CPQ: variants seen among roughly 807,000 people sequenced by gnomAD.
The protein encoded by CPQ is carboxypeptidase Q.
A neutral mutation model predicts 45.7 loss-of-function variants in CPQ; 37 were observed. The observed-to-expected ratio is 0.81, with a 90% CI of 0.62 to 1.07. CPQ has a LOEUF of 1.07. Among genes scored for constraint, CPQ ranks in the 50% least tolerant of loss-of-function variants. The pLI is 0.00. For synonymous variants in CPQ, 186 were observed against 205.8 expected, an observed-to-expected ratio of 0.90 and a Z score of 0.82; for missense variants, 537 against 572.9, an observed-to-expected ratio of 0.94 and a Z score of 0.64.
chr8:96,770,441 T>C (rs542353073), intron 1 of CPQ, among the ~76,000 whole-genome samples: 2 of 152,166 alleles, frequency 1.3e-5, no homozygotes, highest in Non-Finnish European at 2.9e-5. Context: ...CCTTCCCCCA[T>C]GTTTCTCTAA....
At chr8:96,698,894 A>G (rs1363085211) in intron 1 of CPQ, among the ~76,000 whole-genome samples, 2 of 152,206 alleles carry the variant, frequency 1.3e-5, no homozygotes, top group Non-Finnish European at 2.9e-5. Context: ...AATGTAAATT[A>G]GTACAACCAC....
chr8:96,924,086 CA>C (rs1328634915), intron 4 of CPQ, among the ~76,000 whole-genome samples: 2 of 152,132 alleles, frequency 1.3e-5, no homozygotes, highest in African/African-American at 4.8e-5. Context: ...GGCAGAAAAG[CA>C]GAAGACAAGG....
intron 5 of CPQ, among the ~76,000 whole-genome samples, chr8:97,022,678 G>A (rs1018128984): frequency 4.6e-5 from 7 of 152,090 alleles, no homozygotes; most frequent in East Asian, 1.9e-4. Flanking sequence ...ACCACAATGC[G>A]ATACTACCTT....
intron 5 of CPQ, among the ~76,000 whole-genome samples, chr8:96,990,139 C>T (rs2130404080): frequency 6.6e-6 from 1 of 152,294 alleles, no homozygotes; most frequent in South Asian, 2.1e-4. Context: ...CTGCTCAGCA[C>T]ATCACATCCC....
At chr8:96,715,745 C>A (rs1357451145) in intron 1 of CPQ, among the ~76,000 whole-genome samples, 1 of 152,178 alleles carries the variant, frequency 6.6e-6, no homozygotes, top group Non-Finnish European at 1.5e-5. Flanking sequence ...CATCTGGATT[C>A]TTTTGTCCCA....
rs144541586 is a variant in CPQ at position 96,667,535 on chromosome 8, G to C, written c.-35+22133G>C. Among the ~76,000 whole-genome samples the C allele has an allele frequency of 4.7e-3, 719 of 151,756 alleles. 29 individuals carry two copies. In the East Asian group the frequency reaches 0.12, roughly 25 times the overall value. ...GGCTAATTTTTTTATATTTCTAGTA[G>C]AGACAGGGTTTCACTATGTTGGCCA... On this transcript the variant is annotated intron_variant, in intron 1 of 7. Transcript: ENST00000220763.
At position 97,127,402 on chromosome 8, in the gene CPQ, T is replaced by C. The variant is rs137926637; in HGVS notation, c.1256-15618T>C. ...AGGTGCTTGAGATCATTAGTCATCA[T>C]TGAAATACAAATTAAGGCTAGGTGT... On this transcript the variant is annotated intron_variant, in intron 7 of 7. Coordinates refer to ENST00000220763, the MANE Select transcript of CPQ (RefSeq NM_016134.4). Among the ~76,000 whole-genome samples the C allele has an allele frequency of 1.5e-3, 232 of 152,274 alleles. 5 individuals are homozygous for C. The East Asian group carries it at 0.042, about 28-fold the overall frequency.
chr8:97,121,313 C>A (rs1056693216), intron 7 of CPQ, among the ~76,000 whole-genome samples: 3 of 152,270 alleles, frequency 2.0e-5, no homozygotes, highest in Non-Finnish European at 4.4e-5. Context: ...ATATATCAAA[C>A]AACTAATTTC....
chr8:96,737,909 T>A (rs1810012492), intron 1 of CPQ, among the ~76,000 whole-genome samples: 2 of 152,202 alleles, frequency 1.3e-5, no homozygotes, highest in East Asian at 3.8e-4. Context: ...GATTTGTAGT[T>A]CTTTTGTTAT....
intron 4 of CPQ, among the ~76,000 whole-genome samples, chr8:96,939,247 C>T (rs547250090): frequency 6.6e-6 from 1 of 152,300 alleles, no homozygotes; most frequent in African/African-American, 2.4e-5. Context: ...AAGGAGCATG[C>T]ATGTGCAGTT....
intron 2 of CPQ, among the ~76,000 whole-genome samples, chr8:96,826,870 A>G (rs1811386444): frequency 6.6e-6 from 1 of 152,062 alleles, no homozygotes; most frequent in Non-Finnish European, 1.5e-5. Flanking sequence ...ATAAGCGAGA[A>G]CATGCAGTAT....
rs143609771 is a variant in CPQ, at chr8:96,795,615, A to G, written c.433+10285A>G. On this transcript the variant is annotated intron_variant, in intron 2 of 7. Transcript: ENST00000220763. ...CTTATATATCATGAACATTTACCAC[A>G]TACTAGTAAATATCTTTTTAAATAA... is the stretch of plus-strand genomic sequence containing the variant. Among the ~76,000 whole-genome samples the G allele has an allele frequency of 7.5e-3, 1,135 of 152,310 alleles. 13 individuals are homozygous for G. Among genetic ancestry groups the G allele is most frequent in the African/African-American group, 0.026 (1,074 of 41,564 alleles).
At chr8:96,933,167 CT>C (rs145972631) in intron 4 of CPQ, among the ~76,000 whole-genome samples, 12,024 of 152,248 alleles carry the variant, frequency 0.079, 919 homozygotes, top group African/African-American at 0.2. Flanking sequence ...ATGTTACACT[CT>C]TTTGCCATCT....
At chr8:97,041,200 A>G (rs895870087) in intron 6 of CPQ, among the ~76,000 whole-genome samples, 1 of 152,180 alleles carries the variant, frequency 6.6e-6, no homozygotes, top group African/African-American at 2.4e-5. Context: ...GGTCCTTCAC[A>G]TCCCTTGTAA....
chr8:96,795,373 A>G (rs1810915163), intron 2 of CPQ, among the ~76,000 whole-genome samples: 1 of 152,150 alleles, frequency 6.6e-6, no homozygotes, highest in African/African-American at 2.4e-5. Flanking sequence ...CCCTGCCCCC[A>G]TGATTCAATT....
rs191584228 is a variant in CPQ, at chr8:97,037,893, G to C, written c.1053+8399G>C. Among the ~76,000 whole-genome samples the C allele has an allele frequency of 5.3e-5, 8 of 152,192 alleles. No homozygotes were observed. In the East Asian group the frequency reaches 1.4e-3, roughly 26 times the overall value. ...ACCACCTTGCGAATAAACATGAGTA[G>C]GTTTCAACTCATCTCTTTGCTTTAT... On this transcript the variant is annotated intron_variant, in intron 6 of 7. Transcript: ENST00000220763.
At chr8:96,794,663 G>C (rs748159156) in intron 2 of CPQ, among the ~76,000 whole-genome samples, 1 of 152,112 alleles carries the variant, frequency 6.6e-6, no homozygotes, top group African/African-American at 2.4e-5. Context: ...CAAATTTTCC[G>C]AACTTTTATG....
intron 3 of CPQ, among the ~76,000 whole-genome samples, chr8:96,869,066 A>G (rs1812031893): frequency 6.6e-6 from 1 of 152,018 alleles, no homozygotes. Context: ...AACATTTCTA[A>G]TCTCTTTTAA....
intron 3 of CPQ, among the ~76,000 whole-genome samples, chr8:96,877,214 T>C (rs1412341727): frequency 6.6e-6 from 1 of 152,186 alleles, no homozygotes; most frequent in Admixed American, 6.6e-5. Context: ...AAAACAATGA[T>C]AGATGCTCCA....
Sources: allele counts gnomAD v4.1 joint callset (sites outside exome capture counted in the v4.1 genomes callset), GRCh38; gene constraint gnomAD v4.1.1; transcripts MANE v1.5; gene names NCBI Gene and HGNC (gene_info 2026-07-23, HGNC 2026-07-21).